The following HACE1 variants were observed in gnomAD, a reference collection of about 807,000 sequenced individuals.
HACE1 encodes HECT domain and ankyrin repeat containing E3 ubiquitin protein ligase 1.
A neutral mutation model predicts 118.4 loss-of-function variants in HACE1; 73 were observed. The ratio of observed to expected loss-of-function variants is 0.62; its 90% CI spans 0.51 to 0.75. The LOEUF (loss-of-function observed/expected upper bound fraction) is 0.75. HACE1 is among the 30% of genes least tolerant of loss of function. The probability of loss-of-function intolerance (pLI) is 0.00; values close to 1 mark genes in which losing one functional copy is unlikely to be tolerated. For missense variants in HACE1, 749 were observed against 1,102.2 expected (o/e 0.68, Z 4.54); for synonymous variants, 368 against 374.8 (o/e 0.98, Z 0.21).
chr6:104,763,764 T>C (rs1185478374), intron 19 of HACE1, among the ~76,000 whole-genome samples: 1 of 152,178 alleles, frequency 6.6e-6, no homozygotes, highest in Non-Finnish European at 1.5e-5. Flanking sequence ...TAAAAGGTAC[T>C]GTAGGCCAGG....
At chr6:104,751,619 G>A (rs1396228597) in intron 19 of HACE1, among the ~76,000 whole-genome samples, 1 of 152,002 alleles carries the variant, frequency 6.6e-6, no homozygotes, top group Non-Finnish European at 1.5e-5. Context: ...AACAGGGCAA[G>A]ATCCTGTCTC....
chr6:104,764,935 T>C (rs1419516851), intron 19 of HACE1, among the ~76,000 whole-genome samples: 4 of 152,158 alleles, frequency 2.6e-5, no homozygotes, highest in African/African-American at 9.7e-5. Flanking sequence ...ACTCACTGTG[T>C]TCCAAGCACT....
At chr6:104,786,032 C>T (rs1459253744) in intron 11 of HACE1, 1 of 152,070 alleles carries the variant, frequency 6.6e-6, no homozygotes, top group East Asian at 1.9e-4. Flanking sequence ...TACCAAACTT[C>T]TATTAAAATA....
chr6:104,836,057 A>C (rs1774500236), intron 5 of HACE1, among the ~76,000 whole-genome samples: 2 of 152,220 alleles, frequency 1.3e-5, no homozygotes, highest in Non-Finnish European at 1.5e-5. Context: ...GGAAACTCTC[A>C]GGGTTGTGCT....
chr6:104,767,667 C>A (rs776677878), intron 19 of HACE1, among the ~76,000 whole-genome samples: 1 of 152,120 alleles, frequency 6.6e-6, no homozygotes, highest in Admixed American at 6.5e-5. Flanking sequence ...TCTCCCTTCC[C>A]CACATCATCT....
At chr6:104,844,655 T>C (rs1775469343) in intron 4 of HACE1, among the ~76,000 whole-genome samples, 1 of 137,028 alleles carries the variant, frequency 7.3e-6, no homozygotes. Context: ...CCAGCCTCCA[T>C]CACAACCTTT....
chr6:104,849,352 T>C, intron 3 of HACE1, 106 bp from the exon 4 acceptor site: 3 of 782,986 alleles, frequency 3.8e-6, no homozygotes, highest in Non-Finnish European at 6.7e-6. Flanking sequence ...TTTCTTTTTG[T>C]TTTTCAGACA....
intron 22 of HACE1, among the ~76,000 whole-genome samples, chr6:104,742,612 A>G (rs1371701322): frequency 3.3e-5 from 5 of 151,336 alleles, no homozygotes; most frequent in Non-Finnish European, 5.9e-5. Context: ...CCACAATGAG[A>G]TACCGTCTCA....
At chr6:104,758,194 A>G (rs1176012494) in intron 19 of HACE1, among the ~76,000 whole-genome samples, 2 of 152,196 alleles carry the variant, frequency 1.3e-5, no homozygotes, top group Non-Finnish European at 1.5e-5. Flanking sequence ...GGAAATACAG[A>G]GAACACCACA....
In HACE1 at chr6:104,791,534, C is replaced by T; in HGVS notation, c.1044G>A (p.Gly348=). 1.9e-6 allele frequency: 3 copies of T among 1,613,102 alleles called. No homozygotes were observed. Among genetic ancestry groups the T allele is most frequent in the South Asian group, 2.2e-5 (2 of 91,060 alleles). The part of the protein sequence containing the change: ...PSNGIDMGYN[G]NKTPRSQVFK... ...ACACCTGGCTTCTTGGAGTTTTATT[C>T]CCATTGTAGCCCATATCAATTCCAT... is the stretch of plus-strand genomic sequence containing the variant. The change falls in exon 11 of 24, where the codon GGG becomes GGA. Residue 348 remains glycine (G), a synonymous_variant. Coordinates refer to ENST00000262903, the MANE Select transcript of HACE1 (RefSeq NM_020771.4).
intron 6 of HACE1, among the ~76,000 whole-genome samples, chr6:104,832,686 C>G (rs190667499): frequency 1.3e-5 from 2 of 152,156 alleles, no homozygotes; most frequent in East Asian, 3.9e-4. Context: ...CCACGGCTCC[C>G]AGCCCAAAAG....
intron 4 of HACE1, 78 bp from the exon 5 acceptor site, chr6:104,843,376 G>A: frequency 1.3e-6 from 1 of 774,734 alleles, no homozygotes; most frequent in East Asian, 2.5e-5. Context: ...TGAAATATTA[G>A]CAACAATCAA....
At chr6:104,740,536 A>G (rs1221516880) in intron 22 of HACE1, among the ~76,000 whole-genome samples, 8 of 152,194 alleles carry the variant, frequency 5.3e-5, no homozygotes, top group African/African-American at 1.9e-4. Context: ...AAACACCTCT[A>G]TGCAAATAAA....
At chr6:104,757,410 G>A (rs1778846629) in intron 19 of HACE1, among the ~76,000 whole-genome samples, 1 of 152,166 alleles carries the variant, frequency 6.6e-6, no homozygotes, top group South Asian at 2.1e-4. Context: ...ATGGGGTCTG[G>A]AGTGGACCTC....
At chr6:104,845,101 T>A (rs1775519430) in intron 4 of HACE1, among the ~76,000 whole-genome samples, 1 of 152,084 alleles carries the variant, frequency 6.6e-6, no homozygotes, top group African/African-American at 2.4e-5. Flanking sequence ...AGTAGTAATG[T>A]AATATGAGGT....
chr6:104,748,778 C>T (rs1436232147), intron 20 of HACE1, among the ~76,000 whole-genome samples: 1 of 152,100 alleles, frequency 6.6e-6, no homozygotes, highest in African/African-American at 2.4e-5. Context: ...TTCCCACAAA[C>T]AAAAACTTGA....
chr6:104,735,681 C>T (rs539340920), intron 22 of HACE1, among the ~76,000 whole-genome samples: 1 of 151,444 alleles, frequency 6.6e-6, no homozygotes, highest in South Asian at 2.1e-4. Context: ...AAAAGGAGTA[C>T]ATTCTCTCAT....
rs141019252 is a variant in HACE1, at chr6:104,812,065, C to A, written c.535-672G>T. Among the ~76,000 whole-genome samples, 43 of 152,010 alleles carry A rather than the reference C, an allele frequency of 2.8e-4. 1 individual carries two copies. The East Asian group carries it at 7.7e-3, about 27-fold the overall frequency. On this transcript the variant is annotated intron_variant, in intron 6 of 23. Transcript: ENST00000262903. ...AAGAGAGAGTACGCTACTATAAAATCTTAAAAATACATATCTGTTGATTAA... is the reference window on the plus strand; with the variant it reads ...AAGAGAGAGTACGCTACTATAAAATATTAAAAATACATATCTGTTGATTAA...
At chr6:104,732,167 G>C (rs1355688105) in intron 22 of HACE1, 1 of 152,102 alleles carries the variant, frequency 6.6e-6, no homozygotes, top group African/African-American at 2.4e-5. Context: ...AAAATTAACA[G>C]AATTACAATA....
Sources: allele counts gnomAD v4.1 joint callset (sites outside exome capture counted in the v4.1 genomes callset), GRCh38; gene constraint gnomAD v4.1.1; transcripts MANE v1.5; gene names NCBI Gene and HGNC (gene_info 2026-07-23, HGNC 2026-07-21).